IL34: variants seen among roughly 807,000 people sequenced by gnomAD.
IL34 encodes the protein interleukin 34.
A neutral mutation model predicts 25.3 loss-of-function variants in IL34; 17 were observed. The ratio of observed to expected loss-of-function variants is 0.67; its 90% CI spans 0.46 to 1.01. The LOEUF (loss-of-function observed/expected upper bound fraction) is 1.01. Among genes scored for constraint, IL34 ranks in the 50% least tolerant of loss-of-function variants. IL34 has a pLI of 0.00. For missense variants in IL34, 368 were observed against 312.9 expected (o/e 1.18, Z -1.33); for synonymous variants, 174 against 140.9 (o/e 1.23, Z -1.66).
chr16:70,625,683 C>T (rs1179174260), intron 1 of IL34, among the ~76,000 whole-genome samples: 2 of 152,136 alleles, frequency 1.3e-5, no homozygotes, highest in Non-Finnish European at 2.9e-5. Flanking sequence ...CCTTCCCAGT[C>T]CGTGACAGGC....
chr16:70,626,634 G>T (rs1321514123), intron 1 of IL34, among the ~76,000 whole-genome samples: 2 of 152,182 alleles, frequency 1.3e-5, no homozygotes, highest in Non-Finnish European at 2.9e-5. Flanking sequence ...GACCTCAGGT[G>T]ATCTGCCCAC....
chr16:70,588,386 C>T lies in IL34; in HGVS notation c.-401+8337C>T, dbSNP rs139750649. Among the ~76,000 whole-genome samples, 726 of 151,798 alleles carry T rather than the reference C, an allele frequency of 4.8e-3. 5 individuals carry two copies. The Middle Eastern group carries it at 0.051, about 11-fold the overall frequency. ...GCACATGTCTGTAATCCCAGTTACT[C>T]GGGAGGCTGAGGCAGGAGAATCACT... On this transcript the variant is annotated intron_variant, in intron 1 of 6. Coordinates refer to the IL34 transcript ENST00000429149.
chr16:70,659,862 G>A (rs983125837), intron 5 of IL34, 109 bp downstream of exon 5: 32 of 1,490,078 alleles, frequency 2.1e-5, no homozygotes, highest in Middle Eastern at 2.0e-4. Flanking sequence ...TCTGCTCCCC[G>A]GGGCTACAAG....
At chr16:70,657,986 G>C (rs1412154914) in intron 4 of IL34, among the ~76,000 whole-genome samples, 1 of 152,126 alleles carries the variant, frequency 6.6e-6, no homozygotes, top group Non-Finnish European at 1.5e-5. Flanking sequence ...CCTCTAAAAT[G>C]CCTGAGTTGT....
chr16:70,613,070 G>A (rs1030105944), intron 1 of IL34, among the ~76,000 whole-genome samples: 1 of 152,202 alleles, frequency 6.6e-6, no homozygotes, highest in Non-Finnish European at 1.5e-5. Context: ...ACTGTGCCCG[G>A]CCTCAGACCA....
At chr16:70,604,932 ATGTC>A (rs1285123424) in intron 1 of IL34, among the ~76,000 whole-genome samples, 1 of 148,664 alleles carries the variant, frequency 6.7e-6, no homozygotes, top group Admixed American at 6.8e-5. Context: ...GTGTGTGTGC[ATGTC>A]TGTGTGTGTG....
intron 1 of IL34, among the ~76,000 whole-genome samples, chr16:70,623,520 A>G (rs138299999): frequency 0.054 from 8,162 of 152,090 alleles, 768 homozygotes; most frequent in African/African-American, 0.19. Context: ...CTTTCAAAGC[A>G]TGCTGTGGGA....
At chr16:70,601,872 G>A (rs1390369376) in intron 1 of IL34, among the ~76,000 whole-genome samples, 2 of 152,262 alleles carry the variant, frequency 1.3e-5, no homozygotes, top group Non-Finnish European at 2.9e-5. Context: ...CGGAGACAAG[G>A]ACACTGAGCT....
intron 1 of IL34, among the ~76,000 whole-genome samples, chr16:70,594,833 G>A (rs2050797258): frequency 6.6e-6 from 1 of 152,142 alleles, no homozygotes; most frequent in African/African-American, 2.4e-5. Flanking sequence ...AGGAGGTGAG[G>A]AGGAGGCTTT....
upstream of IL34, among the ~76,000 whole-genome samples, chr16:70,641,932 C>T (rs1360813071): frequency 6.6e-6 from 1 of 152,154 alleles, no homozygotes; most frequent in East Asian, 1.9e-4. Flanking sequence ...AGCCAGAAAA[C>T]AATACAATCT....
intron 1 of IL34, among the ~76,000 whole-genome samples, chr16:70,604,120 C>A (rs1270883893): frequency 6.6e-6 from 1 of 152,168 alleles, no homozygotes; most frequent in Non-Finnish European, 1.5e-5. Flanking sequence ...AGTTGCCCAT[C>A]GCTTTGGAAG....
At chr16:70,640,849 C>T (rs1292875577) in intron 1 of IL34, among the ~76,000 whole-genome samples, 2 of 152,108 alleles carry the variant, frequency 1.3e-5, no homozygotes, top group African/African-American at 4.8e-5. Context: ...CAGTCAATCC[C>T]CTTCCCCACT....
intron 1 of IL34, among the ~76,000 whole-genome samples, chr16:70,603,911 C>T (rs1164766402): frequency 6.6e-6 from 1 of 152,106 alleles, no homozygotes; most frequent in Non-Finnish European, 1.5e-5. Flanking sequence ...GAGATTCCAT[C>T]GTATGGACAT....
intron 1 of IL34, among the ~76,000 whole-genome samples, chr16:70,601,608 C>T (rs2050919037): frequency 6.6e-6 from 1 of 152,194 alleles, no homozygotes; most frequent in Non-Finnish European, 1.5e-5. Context: ...CCATGTTGCC[C>T]AGGCTGGTCT....
chr16:70,654,329 T>A (rs2052157612), intron 1 of IL34: 2 of 546,784 alleles, frequency 3.7e-6, no homozygotes, highest in Non-Finnish European at 6.2e-6. Flanking sequence ...GGGTGTGGAC[T>A]CTCTGCACTG....
chr16:70,634,766 G>A (rs2051603275), intron 1 of IL34, among the ~76,000 whole-genome samples: 1 of 151,980 alleles, frequency 6.6e-6, no homozygotes, highest in Non-Finnish European at 1.5e-5. Context: ...GATAGCCACA[G>A]TTCTGATACC....
intron 1 of IL34, among the ~76,000 whole-genome samples, chr16:70,604,477 A>G (rs184452104): frequency 8.5e-5 from 13 of 152,264 alleles, no homozygotes; most frequent in Admixed American, 3.3e-4. Context: ...GGAAACCAAA[A>G]CCAGGCATCC....
intron 1 of IL34, among the ~76,000 whole-genome samples, chr16:70,649,751 A>T (rs951229574): frequency 6.6e-6 from 1 of 152,068 alleles, no homozygotes; most frequent in Non-Finnish European, 1.5e-5. Flanking sequence ...ACTCACACAG[A>T]TCTTTCTTAA....
Position 70,593,868 on chromosome 16 carries a change from C to T in IL34, c.-401+13819C>T, listed in dbSNP as rs147823231. 8.9e-3 allele frequency among the ~76,000 whole-genome samples: 1,349 copies of T among 152,214 alleles called. 6 individuals carry two copies. The highest frequency in any genetic ancestry group is 0.031 in the Middle Eastern group (9 of 294). On this transcript the variant is annotated intron_variant, in intron 1 of 6. Coordinates refer to the IL34 transcript ENST00000429149. ...CTTGCAGGTGGATGATCAATCATTCCAGCACCATTTGTTGGAAAGACTATC... is the reference window on the plus strand; with the variant it reads ...CTTGCAGGTGGATGATCAATCATTCTAGCACCATTTGTTGGAAAGACTATC...
Sources: gnomAD v4.1 joint callset for allele counts (sites outside exome capture counted in the v4.1 genomes callset) on GRCh38, gnomAD v4.1.1 for gene constraint, MANE v1.5 for transcripts, NCBI Gene and HGNC (gene_info 2026-07-23, HGNC 2026-07-21) for gene names.